ZMYND11: variants seen among roughly 807,000 people sequenced by gnomAD.
ZMYND11 encodes the protein zinc finger MYND domain-containing protein 11.
A neutral mutation model predicts 84.9 loss-of-function variants in ZMYND11; 9 were observed. That is an observed-to-expected ratio of 0.11 (90% CI 0.06 to 0.18). The LOEUF is 0.18. Among genes scored for constraint, ZMYND11 ranks in the 10% least tolerant of loss-of-function variants. The pLI is 1.00. For missense variants in ZMYND11, 409 were observed against 761.0 expected (o/e 0.54, Z 5.44); for synonymous variants, 250 against 244.1 (o/e 1.02, Z -0.23).
intron 3 of ZMYND11, among the ~76,000 whole-genome samples, chr10:219,166 A>C (rs1946697374): frequency 6.6e-6 from 1 of 152,202 alleles, no homozygotes; most frequent in African/African-American, 2.4e-5. Context: ...TCAAAGATCC[A>C]TTTTTATCTT....
upstream of ZMYND11, among the ~76,000 whole-genome samples, chr10:133,664 G>C (rs1229119325): frequency 2.6e-5 from 4 of 152,178 alleles, no homozygotes; most frequent in Admixed American, 6.5e-5. Context: ...TGAAGTAACA[G>C]ACTGTTTAAA....
At chr10:184,117 T>G (rs1286596547) in intron 2 of ZMYND11, among the ~76,000 whole-genome samples, 1 of 152,234 alleles carries the variant, frequency 6.6e-6, no homozygotes, top group Non-Finnish European at 1.5e-5. Flanking sequence ...AACTCTTCTA[T>G]CTAAAATCTT....
chr10:228,985 A>C (rs1041765004), intron 4 of ZMYND11, among the ~76,000 whole-genome samples: 14 of 152,282 alleles, frequency 9.2e-5, no homozygotes, highest in African/African-American at 3.1e-4. Flanking sequence ...GGATTTAGAA[A>C]TACTACATGT....
rs1554760482 is a variant in ZMYND11 at position 158,988 on chromosome 10, T to TTG, written c.-19-21005_-19-21004insGT. Among the ~76,000 whole-genome samples, 277 of 135,102 alleles carry TTG rather than the reference T, an allele frequency of 2.1e-3. 1 individual carries two copies. Among genetic ancestry groups the TTG allele is most frequent in the South Asian group, 0.012 (51 of 4,108 alleles). 88.6% of individuals were successfully genotyped at this position (135,102 alleles called of 152,430 possible). Reference sequence around the variant, plus strand: ...ATATGATTTGCAGGGTTTTTTGTTTTTTGTTTTTTTTTTTTTTTTTACATT... The same window carrying TTG: ...ATATGATTTGCAGGGTTTTTTGTTTTTGTTGTTTTTTTTTTTTTTTTTACATT... On this transcript the variant is annotated intron_variant, in intron 1 of 14. Transcript: ENST00000381604.
At chr10:248,710 T>C in intron 13 of ZMYND11, 102 bp downstream of exon 13, 10 of 1,437,860 alleles carry the variant, frequency 7.0e-6, no homozygotes, top group Non-Finnish European at 9.2e-6. Context: ...CTTTTACATG[T>C]AGCCATATAA....
rs1467658386 is a variant in ZMYND11, at chr10:248,505, T to A, written c.1397T>A (p.Met466Lys). The part of the protein sequence containing the change: ...QTTNDGVCQS[M>K]CHDKYTKIFN... ...ACAAACGACGGCGTGTGTCAGAGCA[T>A]GTGCCATGACAAATACACCAAGATC... The change falls in exon 13 of 15, where the codon ATG (methionine) becomes AAG (lysine). Residue 466 changes from methionine to lysine, a missense_variant. By Grantham distance (95) the Met-to-Lys change is moderately conservative. Coordinates refer to ENST00000381604, the MANE Select transcript of ZMYND11 (RefSeq NM_001370100.5). The A allele has an allele frequency of 1.9e-6, 3 of 1,614,170 alleles. No homozygotes were observed. Among genetic ancestry groups the A allele is most frequent in the South Asian group, 2.2e-5 (2 of 91,086 alleles).
chr10:213,312 A>G (rs1945592300), intron 3 of ZMYND11, among the ~76,000 whole-genome samples: 1 of 152,188 alleles, frequency 6.6e-6, no homozygotes, highest in Non-Finnish European at 1.5e-5. Context: ...CTGTGGGCTA[A>G]TGATTGTCCT....
chr10:210,966 T>C (rs1167069764), intron 3 of ZMYND11, among the ~76,000 whole-genome samples: 1 of 151,792 alleles, frequency 6.6e-6, no homozygotes, highest in Non-Finnish European at 1.5e-5. Context: ...AGTTCAACAC[T>C]AGCCTGGGCA....
At chr10:193,188 A>G (rs746389312) in intron 2 of ZMYND11, among the ~76,000 whole-genome samples, 39 of 152,188 alleles carry the variant, frequency 2.6e-4, no homozygotes, top group Non-Finnish European at 3.5e-4. Context: ...TAGGTCTGCA[A>G]TCCATCTGTA....
rs369274615 is a variant in ZMYND11 at position 248,535 on chromosome 10, A to G, written c.1427A>G (p.Asn476Ser). ...CATGACAAATACACCAAGATCTTCAATGACTTCAAAGACCGGATGAAGTCG... is the reference window on the plus strand; with the variant it reads ...CATGACAAATACACCAAGATCTTCAGTGACTTCAAAGACCGGATGAAGTCG... ...MCHDKYTKIF[N>S]DFKDRMKSDH... is the part of the protein sequence containing the mutation. The change falls in exon 13 of 15, where the codon AAT (asparagine) becomes AGT (serine). Residue 476 changes from asparagine to serine, a missense_variant. Transcript: ENST00000381604. 15 of 1,614,070 alleles carry G rather than the reference A, an allele frequency of 9.3e-6. No individual in the cohort carries two copies. The highest frequency in any genetic ancestry group is 3.3e-5 in the South Asian group (3 of 91,076).
chr10:195,033 G>C (rs949859238), intron 2 of ZMYND11, among the ~76,000 whole-genome samples: 1 of 152,202 alleles, frequency 6.6e-6, no homozygotes, highest in Non-Finnish European at 1.5e-5. Context: ...AAGATCTTAA[G>C]TGTTGCCAAT....
At chr10:212,312 T>C (rs1945384179) in intron 3 of ZMYND11, among the ~76,000 whole-genome samples, 1 of 152,156 alleles carries the variant, frequency 6.6e-6, no homozygotes, top group Non-Finnish European at 1.5e-5. Flanking sequence ...TCCTTTTTTC[T>C]TCTGTCTAGA....
chr10:149,886 TTGGTTC>T (rs1369525720), intron 1 of ZMYND11, among the ~76,000 whole-genome samples: 1 of 152,168 alleles, frequency 6.6e-6, no homozygotes, highest in African/African-American at 2.4e-5. Context: ...GTTTTTGTCT[TTGGTTC>T]TGTTTATATG....
intron 4 of ZMYND11, among the ~76,000 whole-genome samples, chr10:225,446 G>C (rs1947956680): frequency 6.6e-6 from 1 of 151,950 alleles, no homozygotes; most frequent in Non-Finnish European, 1.5e-5. Flanking sequence ...AACCTCCTGG[G>C]CCAGCCTCCT....
intron 8 of ZMYND11, 54 bp from the exon 9 acceptor site, chr10:240,838 GT>G: frequency 8.1e-7 from 1 of 1,239,220 alleles, no homozygotes; most frequent in Non-Finnish European, 1.2e-6. Context: ...ATTTTATATA[GT>G]TTAATGTGTA....
At chr10:233,103 C>T (rs1340667026) in intron 4 of ZMYND11, among the ~76,000 whole-genome samples, 3 of 152,190 alleles carry the variant, frequency 2.0e-5, no homozygotes, top group African/African-American at 4.8e-5. Flanking sequence ...TTAACCACAC[C>T]TATCAGAAAC....
intron 2 of ZMYND11, among the ~76,000 whole-genome samples, chr10:203,228 G>A (rs2043200): frequency 0.99 from 151,024 of 152,232 alleles, 74,920 homozygotes; most frequent in Middle Eastern, 1. Flanking sequence ...TCAGCTTGAT[G>A]AGAAACAAGT....
At chr10:149,768 C>G (rs2131300411) in intron 1 of ZMYND11, among the ~76,000 whole-genome samples, 1 of 152,218 alleles carries the variant, frequency 6.6e-6, no homozygotes. Context: ...GGCAATTATT[C>G]TGTTGTGGGA....
intron 1 of ZMYND11, among the ~76,000 whole-genome samples, chr10:154,017 T>C (rs1192079882): frequency 1.3e-5 from 2 of 152,050 alleles, no homozygotes; most frequent in Non-Finnish European, 2.9e-5. Context: ...AGACCATGAA[T>C]TTCTTTGGCT....
Sources: gnomAD v4.1 joint callset for allele counts (sites outside exome capture counted in the v4.1 genomes callset) on GRCh38, gnomAD v4.1.1 for gene constraint, MANE v1.5 for transcripts, NCBI Gene and HGNC (gene_info 2026-07-23, HGNC 2026-07-21) for gene names.